The following DEF8 variants were observed in gnomAD, a reference collection of about 807,000 sequenced individuals.
DEF8 encodes differentially expressed in FDCP 8 homolog, also known as DEF-8.
Under a neutral mutation model 59.1 loss-of-function variants are expected in DEF8, and 38 were observed. That is an observed-to-expected ratio of 0.64 (90% CI 0.50 to 0.84). The LOEUF is 0.84. Among genes scored for constraint, DEF8 ranks in the 40% least tolerant of loss-of-function variants. The probability of loss-of-function intolerance (pLI) is 0.00; values close to 1 mark genes in which losing one functional copy is unlikely to be tolerated. For synonymous variants in DEF8, 265 were observed against 250.1 expected (o/e 1.06, Z -0.56); for missense variants, 557 against 615.2 (o/e 0.91, Z 1.00).
chr16:89,959,809 C>G (rs116201488), intron 6 of DEF8, among the ~76,000 whole-genome samples: 441 of 152,328 alleles, frequency 2.9e-3, no homozygotes, highest in African/African-American at 0.01. Flanking sequence ...CGTCACGTGA[C>G]TTTTAAGCAA....
At chr16:89,953,881 G>C (rs1216987605) in intron 2 of DEF8, among the ~76,000 whole-genome samples, 1 of 152,206 alleles carries the variant, frequency 6.6e-6, no homozygotes, top group African/African-American at 2.4e-5. Flanking sequence ...ATCTGGGGCT[G>C]AGGCCCAGAG....
intron 7 of DEF8, 120 bp from the exon 8 acceptor site, chr16:89,961,617 T>C (rs551630659): frequency 2.7e-5 from 34 of 1,274,206 alleles, no homozygotes; most frequent in South Asian, 2.2e-4. Flanking sequence ...CGGCTGAGGA[T>C]AGGACATGTT....
intron 12 of DEF8, 39 bp downstream of exon 12, chr16:89,964,614 T>C: frequency 6.7e-7 from 1 of 1,482,854 alleles, no homozygotes; most frequent in East Asian, 2.5e-5. Context: ...GGGCTGGGGC[T>C]CTGCGCTGTC....
At chr16:89,955,794 C>T (rs957198148) in intron 4 of DEF8, among the ~76,000 whole-genome samples, 11 of 152,122 alleles carry the variant, frequency 7.2e-5, no homozygotes, top group African/African-American at 1.2e-4. Flanking sequence ...AGTTTGAGGC[C>T]GGGCGCGGTG....
intron 12 of DEF8, 116 bp from the exon 13 acceptor site, chr16:89,965,745 A>G: frequency 3.1e-6 from 2 of 653,256 alleles, no homozygotes; most frequent in African/African-American, 1.8e-5. Context: ...GCAGACTCCG[A>G]CTCTGCCCTT....
At position 89,954,636 on chromosome 16, in the gene DEF8, C is replaced by T. The variant is rs1419634939; in HGVS notation, c.124+260C>T. Among the ~76,000 whole-genome samples, 2 of 152,166 alleles carry T rather than the reference C, an allele frequency of 1.3e-5. No individual in the cohort carries two copies. The highest frequency in any genetic ancestry group is 2.9e-5 in the Non-Finnish European group (2 of 68,036). On this transcript the variant is annotated intron_variant, in intron 3 of 12. Coordinates refer to ENST00000563594, the MANE Select transcript of DEF8 (RefSeq NM_001242818.2). This position sits in a 1 kb window ranked among gnomAD's most constrained non-coding sequence, Gnocchi z 4.3. Reference sequence around the variant, plus strand: ...TAGGGCCCAGCACATAGTAGGTGCTCAGGGAACACTTGCTGAGTGCGGTCA... The same window carrying T: ...TAGGGCCCAGCACATAGTAGGTGCTTAGGGAACACTTGCTGAGTGCGGTCA...
intron 2 of DEF8, chr16:89,950,345 AT>A (rs2031782230): frequency 2.0e-6 from 2 of 984,066 alleles, no homozygotes; most frequent in Non-Finnish European, 2.4e-6. Context: ...GTTCCCCCTG[AT>A]TTATAGGCAA....
intron 4 of DEF8, 21 bp from the exon 5 acceptor site, chr16:89,957,490 C>T (rs1250877720): frequency 6.4e-7 from 1 of 1,565,472 alleles, no homozygotes; most frequent in Non-Finnish European, 8.7e-7. Flanking sequence ...CTTTGACTGC[C>T]CCCGCCCCCA....
chr16:89,962,190 C>A, intron 9 of DEF8, 65 bp downstream of exon 9: 1 of 1,414,500 alleles, frequency 7.1e-7, no homozygotes, highest in Non-Finnish European at 9.8e-7. Context: ...AGGGCCGGGC[C>A]AGTACCCTCT....
At chr16:89,951,625 T>G (rs2032103508) in intron 2 of DEF8, among the ~76,000 whole-genome samples, 1 of 152,154 alleles carries the variant, frequency 6.6e-6, no homozygotes, top group Non-Finnish European at 1.5e-5. Flanking sequence ...TTCTCTCACT[T>G]GAATGAAGTC....
At chr16:89,965,633 G>A (rs563982886) in intron 12 of DEF8, among the ~76,000 whole-genome samples, 3 of 152,154 alleles carry the variant, frequency 2.0e-5, no homozygotes, top group Non-Finnish European at 2.9e-5. Flanking sequence ...ACTGGGACCT[G>A]TGTGGTTGGG....
chr16:89,953,724 A>G (rs1012321591), intron 2 of DEF8, among the ~76,000 whole-genome samples: 3 of 152,180 alleles, frequency 2.0e-5, no homozygotes, highest in Admixed American at 1.3e-4. Context: ...CAAGTGTCCA[A>G]CCCTAAGTCC....
chr16:89,961,748 A>G lies in DEF8; in HGVS notation c.691A>G (p.Ser231Gly). ...RAPISLRGVP[S>G]EARQCDYTGQ... The stretch of plus-strand genomic sequence containing the variant: ...CTCTGACCCTGCAGGGGGTGTGCCC[A>G]GTGAGGCCAGGCAGTGCGACTACAC... Residue 231 changes from serine (S) to glycine (G), a missense_variant, in exon 8 of 13, where the codon AGT becomes GGT. By Grantham distance (56) the Ser-to-Gly change is moderately conservative. Transcript: ENST00000563594. 1.2e-6 allele frequency: 2 copies of G among 1,613,434 alleles called. No individual in the cohort carries two copies. Among genetic ancestry groups the G allele is most frequent in the Non-Finnish European group, 1.7e-6 (2 of 1,179,982 alleles).
At chr16:89,962,323 C>T (rs960643216) in intron 9 of DEF8, among the ~76,000 whole-genome samples, 198 bp downstream of exon 9, 4 of 152,160 alleles carry the variant, frequency 2.6e-5, no homozygotes, top group Non-Finnish European at 4.4e-5. Flanking sequence ...TGATCTGATG[C>T]CAGGTGTGAA....
chr16:89,961,798 C>A lies in DEF8; in HGVS notation c.741C>A (p.Cys247Ter). The A allele has an allele frequency of 6.2e-7, 1 of 1,613,370 alleles. No homozygotes were observed. Among genetic ancestry groups the A allele is most frequent in the Non-Finnish European group, 8.5e-7 (1 of 1,179,744 alleles). ...CCGGCCAGTACTACTGCAGCCACTG[C>A]CACTGGAACGACCTGGCTGTGATCC... ...DYTGQYYCSHCHWNDLAVIPA... is the reference protein window; with the variant it reads ...DYTGQYYCSH Residue 247 changes from cysteine to a stop codon, truncating the protein, a stop_gained, in exon 8 of 13, where the codon TGC becomes TGA. Coordinates refer to ENST00000563594, the MANE Select transcript of DEF8 (RefSeq NM_001242818.2). LOFTEE classifies it high-confidence loss of function.
In DEF8 at chr16:89,966,560, C is replaced by T. The variant is rs535506388; in HGVS notation, c.*597C>T. 6.5e-6 allele frequency: 1 copy of T among 153,376 alleles called. No homozygotes were observed. The highest frequency in any genetic ancestry group is 2.1e-4 in the South Asian group (1 of 4,860). 9.5% of individuals were successfully genotyped at this position (153,376 alleles called of 1,614,324 possible). A position where few individuals can be genotyped will look rare whatever the true frequency, so the allele number is the denominator to read the frequency against. On this transcript the variant is annotated 3_prime_UTR_variant, in exon 13 of 13. Transcript: ENST00000563594. Reference sequence around the variant, plus strand: ...ACAGTTGTCACCTGCAGACCTGCCTCTCCCTGGCCTGAGGTTCAAAGGCCT... The same window carrying T: ...ACAGTTGTCACCTGCAGACCTGCCTTTCCCTGGCCTGAGGTTCAAAGGCCT...
chr16:89,962,092 G>C lies in DEF8; in HGVS notation c.888G>C (p.Leu296=), dbSNP rs1333185762. The change falls in exon 9 of 13, where the codon CTG becomes CTC. Residue 296 remains leucine (L), a synonymous_variant. Coordinates refer to ENST00000563594, the MANE Select transcript of DEF8 (RefSeq NM_001242818.2). ...VLRLREINPL[L]FSYVEELVEI... ...GGCTCCGGGAGATCAACCCTCTGCT[G>C]TTCAGCTACGTGGAGGAGCTGGTGG... 1.2e-6 allele frequency: 2 copies of C among 1,614,038 alleles called. No homozygotes were observed. Among genetic ancestry groups the C allele is most frequent in the South Asian group, 2.2e-5 (2 of 91,084 alleles).
In DEF8 at chr16:89,960,980, C is replaced by T. The variant is rs1234542302; in HGVS notation, c.564C>T (p.Pro188=). Reference sequence around the variant, plus strand: ...AGTGCTTGAACCTCATCTCCAAGCCCTGTGTGAGCTCCAAAGTCAGCCACC... The same window carrying T: ...AGTGCTTGAACCTCATCTCCAAGCCTTGTGTGAGCTCCAAAGTCAGCCACC... The part of the protein sequence containing the change: ...HSKCLNLISK[P]CVSSKVSHQA... The change falls in exon 7 of 13, where the codon CCC becomes CCT. Residue 188 remains proline, a synonymous_variant. Transcript: ENST00000563594. The T allele has an allele frequency of 1.2e-6, 2 of 1,614,162 alleles. No homozygotes were observed. The highest frequency in any genetic ancestry group is 1.7e-6 in the Non-Finnish European group (2 of 1,180,014).
At chr16:89,961,310 G>A (rs1391400091) in intron 7 of DEF8, among the ~76,000 whole-genome samples, 1 of 152,218 alleles carries the variant, frequency 6.6e-6, no homozygotes, top group East Asian at 1.9e-4. Context: ...GACTCACCCA[G>A]GTCACTGAGG....
Sources: gnomAD v4.1 joint callset for allele counts (sites outside exome capture counted in the v4.1 genomes callset) on GRCh38, gnomAD v4.1.1 for gene constraint, Gnocchi (gnomAD v3.1) non-coding constraint, MANE v1.5 for transcripts, NCBI Gene and HGNC (gene_info 2026-07-23, HGNC 2026-07-21) for gene names.